Variants in CHD9 observed in about 807,000 individuals in gnomAD.
CHD9 encodes the protein chromodomain helicase DNA binding protein 9.
A neutral mutation model predicts 316.1 loss-of-function variants in CHD9; 77 were observed. That is an observed-to-expected ratio of 0.24 (90% CI 0.20 to 0.29). The LOEUF (loss-of-function observed/expected upper bound fraction) is 0.29, where lower values mean the gene tolerates loss of function less well. CHD9 is among the 10% of genes least tolerant of loss of function. CHD9 has a pLI of 1.00. For missense variants in CHD9, 2,763 were observed against 3,438.1 expected (o/e 0.80, Z 4.91); for synonymous variants, 1,129 against 1,158.3 (o/e 0.97, Z 0.51).
chr16:53,234,956 C>A (rs779073020), intron 10 of CHD9, among the ~76,000 whole-genome samples: 2 of 152,080 alleles, frequency 1.3e-5, no homozygotes, highest in Non-Finnish European at 2.9e-5. Flanking sequence ...ATGTCTTTGT[C>A]TGATTTTGGT....
rs1195811638 is a variant in CHD9, at chr16:53,261,359, CTT to C, written c.4210-1603_4210-1602del. Among the ~76,000 whole-genome samples, 51 of 61,880 alleles carry C rather than the reference CTT, an allele frequency of 8.2e-4. No homozygotes were observed. In the South Asian group the frequency reaches 0.039, roughly 47 times the overall value. 40.6% of individuals were successfully genotyped at this position (61,880 alleles called of 152,430 possible). On this transcript the variant is annotated intron_variant, in intron 19 of 38. Coordinates refer to ENST00000447540, the MANE Select transcript of CHD9 (RefSeq NM_001308319.2). ...GCCTTTTAATTTTTGGTGTTTTAGA[CTT>C]TTTTTTTTTTTTTTTTTTTTTTTTA...
At chr16:53,228,547 T>TTG (rs2047868953) in intron 7 of CHD9, among the ~76,000 whole-genome samples, 1 of 148,656 alleles carries the variant, frequency 6.7e-6, no homozygotes, top group African/African-American at 2.5e-5. Context: ...GTTTTTTTTT[T>TTG]TTTTTTTTTT....
intron 2 of CHD9, among the ~76,000 whole-genome samples, chr16:53,173,384 G>A (rs1267990092): frequency 1.3e-5 from 2 of 151,958 alleles, no homozygotes; most frequent in Non-Finnish European, 2.9e-5. Flanking sequence ...GTACATTTCT[G>A]ATAATGGTAA....
intron 1 of CHD9, among the ~76,000 whole-genome samples, chr16:53,151,520 T>C (rs2041115407): frequency 6.6e-6 from 1 of 151,958 alleles, no homozygotes; most frequent in Admixed American, 6.6e-5. Flanking sequence ...ACTCCCAGAG[T>C]GCTGGGATTA....
rs931684791 is a variant in CHD9, at chr16:53,326,025, G to A, written c.*1130G>A. The A allele has an allele frequency of 3.9e-5, 6 of 152,460 alleles. No individual in the cohort carries two copies. Among genetic ancestry groups the A allele is most frequent in the Non-Finnish European group, 7.4e-5 (5 of 67,922 alleles). 9.4% of individuals were successfully genotyped at this position (152,460 alleles called of 1,614,324 possible). ...TTATATTAAATATACTGAGTTGCCC[G>A]TTTTGAAAATGCACTTTGAATAATC... is the stretch of plus-strand genomic sequence containing the variant. On this transcript the variant is annotated 3_prime_UTR_variant, in exon 39 of 39. Transcript: ENST00000447540.
intron 16 of CHD9, among the ~76,000 whole-genome samples, chr16:53,248,526 G>GT (rs542703474): frequency 0.025 from 2,607 of 106,016 alleles, 54 homozygotes; most frequent in Non-Finnish European, 0.031. Context: ...TTTTTTTTTT[G>GT]TTTTTTTTTT....
chr16:53,326,549 T>C lies in CHD9; in HGVS notation c.*1654T>C, dbSNP rs1428376092. 1 of 152,470 alleles carries C rather than the reference T, an allele frequency of 6.6e-6. No homozygotes were observed. 9.4% of individuals were successfully genotyped at this position (152,470 alleles called of 1,614,324 possible). On this transcript the variant is annotated 3_prime_UTR_variant, in exon 39 of 39. Coordinates refer to ENST00000447540, the MANE Select transcript of CHD9 (RefSeq NM_001308319.2). ...TATTTACAAAATTATATAAGTTCCA[T>C]TGGGATTGTATTGATTTTGTATTTT...
chr16:53,135,737 G>A (rs1252571598), intron 1 of CHD9, among the ~76,000 whole-genome samples: 1 of 152,148 alleles, frequency 6.6e-6, no homozygotes, highest in Non-Finnish European at 1.5e-5. Flanking sequence ...CTAGAAGTGT[G>A]ATACCATACA....
intron 1 of CHD9, among the ~76,000 whole-genome samples, chr16:53,154,359 A>C (rs923014476): frequency 6.6e-6 from 1 of 152,228 alleles, no homozygotes; most frequent in Admixed American, 6.5e-5. Context: ...AAAACAATTT[A>C]ATATGCAATG....
chr16:53,082,977 C>T (rs2035159892), intron 1 of CHD9, among the ~76,000 whole-genome samples: 1 of 152,138 alleles, frequency 6.6e-6, no homozygotes, highest in South Asian at 2.1e-4. Flanking sequence ...AACTGTGGCC[C>T]CCTGAGGACT....
chr16:53,233,433 T>C (rs1273221080), intron 10 of CHD9, among the ~76,000 whole-genome samples: 5 of 152,212 alleles, frequency 3.3e-5, no homozygotes, highest in African/African-American at 1.2e-4. Context: ...GGATGAGTTC[T>C]TGTTCACCTT....
chr16:53,112,777 G>A (rs1376836575), intron 1 of CHD9, among the ~76,000 whole-genome samples: 1 of 152,160 alleles, frequency 6.6e-6, no homozygotes, highest in Non-Finnish European at 1.5e-5. Flanking sequence ...ACTTTGTGAG[G>A]CCAAGGCAGG....
intron 2 of CHD9, among the ~76,000 whole-genome samples, chr16:53,195,060 A>C (rs775005073): frequency 1.3e-5 from 2 of 152,222 alleles, no homozygotes; most frequent in Non-Finnish European, 2.9e-5. Flanking sequence ...TTTAATATAA[A>C]TTTTCTTGAA....
In CHD9 at chr16:53,173,733, A is replaced by T. The variant is rs111433135; in HGVS notation, c.1452+16192A>T. Among the ~76,000 whole-genome samples the T allele has an allele frequency of 1.6e-3, 246 of 151,922 alleles. 1 individual carries two copies. The highest frequency in any genetic ancestry group is 0.014 in the Middle Eastern group (4 of 294). On this transcript the variant is annotated intron_variant, in intron 2 of 38. Transcript: ENST00000447540. Reference sequence around the variant, plus strand: ...CTAATTTTTTGTATTTTTAGTAGAGATGGGGTTTCACCGTGTTAGCCAGGA... The same window carrying T: ...CTAATTTTTTGTATTTTTAGTAGAGTTGGGGTTTCACCGTGTTAGCCAGGA...
intron 24 of CHD9, among the ~76,000 whole-genome samples, chr16:53,279,733 C>T (rs2053224125): frequency 1.3e-5 from 2 of 152,092 alleles, no homozygotes; most frequent in Non-Finnish European, 2.9e-5. Context: ...GCAGAGTAAA[C>T]AGACAACCCA....
intron 2 of CHD9, among the ~76,000 whole-genome samples, chr16:53,165,216 T>C (rs1196740271): frequency 6.6e-6 from 1 of 152,280 alleles, no homozygotes; most frequent in East Asian, 1.9e-4. Context: ...ATGGACTAAA[T>C]TGGAGGGTTA....
chr16:53,171,005 G>A (rs1304706853), intron 2 of CHD9, among the ~76,000 whole-genome samples: 1 of 152,144 alleles, frequency 6.6e-6, no homozygotes, highest in Admixed American at 6.5e-5. Flanking sequence ...GTGTATTAAA[G>A]CAGCAGTATA....
At chr16:53,217,739 T>A (rs1326790905) in intron 3 of CHD9, among the ~76,000 whole-genome samples, 1 of 152,078 alleles carries the variant, frequency 6.6e-6, no homozygotes, top group East Asian at 1.9e-4. Context: ...CTAAAATCTC[T>A]CTCTCTAGAT....
chr16:53,128,226 A>G (rs1333476655), intron 1 of CHD9, among the ~76,000 whole-genome samples: 1 of 151,952 alleles, frequency 6.6e-6, no homozygotes, highest in Non-Finnish European at 1.5e-5. Context: ...TCTGTCATCC[A>G]GGATGGAGTG....
Sources: allele counts gnomAD v4.1 joint callset (sites outside exome capture counted in the v4.1 genomes callset), GRCh38; gene constraint gnomAD v4.1.1; transcripts MANE v1.5; gene names NCBI Gene and HGNC (gene_info 2026-07-23, HGNC 2026-07-21).